SHISAL1: variants seen among roughly 807,000 people sequenced by gnomAD.
SHISAL1 encodes the protein shisa like 1.
In SHISAL1, 9 loss-of-function variants were observed where a neutral mutation model predicts 22.6. The observed-to-expected ratio is 0.40, with a 90% CI of 0.24 to 0.70. The LOEUF is 0.70. Ranked by LOEUF, SHISAL1 falls within the 30% of genes least tolerant of loss-of-function variation. The probability of loss-of-function intolerance (pLI) is 0.39; values close to 1 mark genes in which losing one functional copy is unlikely to be tolerated. For synonymous variants in SHISAL1, 119 were observed against 115.4 expected, an observed-to-expected ratio of 1.03 and a Z score of -0.20; for missense variants, 246 against 270.6, an observed-to-expected ratio of 0.91 and a Z score of 0.64.
chr22:44,306,661 G>A (rs750837528), intron 1 of SHISAL1, among the ~76,000 whole-genome samples: 4 of 106,836 alleles, frequency 3.7e-5, no homozygotes, highest in African/African-American at 6.2e-5. Flanking sequence ...CCTGGGCTCG[G>A]GGAGCTGTGA....
chr22:44,307,939 A>AC, intron 1 of SHISAL1, among the ~76,000 whole-genome samples: 1 of 151,542 alleles, frequency 6.6e-6, no homozygotes, highest in East Asian at 1.9e-4. Flanking sequence ...ATGCCTGGAG[A>AC]CCCCCTACAG....
At position 44,266,528 on chromosome 22, in the gene SHISAL1, A is replaced by ATGTGTGTGTGTGTGTGTGTGTGTGTG. The variant is rs11473448; in HGVS notation, c.*-16869_*-16844dup. 1.3e-3 allele frequency among the ~76,000 whole-genome samples: 136 copies of ATGTGTGTGTGTGTGTGTGTGTGTGTG among 108,400 alleles called. 3 individuals are homozygous for ATGTGTGTGTGTGTGTGTGTGTGTGTG. The highest frequency in any genetic ancestry group is 1.4e-3 in the Non-Finnish European group (82 of 56,770). The allele number at this position is 108,400 out of a possible 152,430, so 71.1% of individuals were successfully genotyped here. A position where few individuals can be genotyped will look rare whatever the true frequency, so the allele number is the denominator to read the frequency against. On this transcript the variant is annotated intron_variant, in intron 4 of 4. Transcript: ENST00000381176. ...ATGTGTGTGTTGGGGGCTTTGGGGT[A>ATGTGTGTGTGTGTGTGTGTGTGTGTG]TGTGTGTGTGTGTGTGTGTGTGTGT...
intron 4 of SHISAL1, among the ~76,000 whole-genome samples, chr22:44,269,297 CCA>C: frequency 7.1e-6 from 1 of 140,498 alleles, no homozygotes; most frequent in Non-Finnish European, 1.5e-5. Context: ...ACACCCCATG[CCA>C]CACACCATAC....
intron 3 of SHISAL1, among the ~76,000 whole-genome samples, chr22:44,293,955 CT>C (rs996597278): frequency 1.3e-5 from 2 of 152,226 alleles, no homozygotes; most frequent in African/African-American, 4.8e-5. Flanking sequence ...GTGTGAAATC[CT>C]GTGCAAATAT....
upstream of SHISAL1, among the ~76,000 whole-genome samples, chr22:44,313,417 C>A (rs548264312): frequency 6.6e-6 from 1 of 152,308 alleles, no homozygotes; most frequent in African/African-American, 2.4e-5. Context: ...ACCCGAGAGC[C>A]CACAGAGGGT....
intron 3 of SHISAL1, among the ~76,000 whole-genome samples, chr22:44,287,397 T>C (rs1204104263): frequency 6.6e-6 from 1 of 152,210 alleles, no homozygotes; most frequent in Non-Finnish European, 1.5e-5. Flanking sequence ...GTTCTTGGCC[T>C]GAAGATGCTG....
At chr22:44,276,279 AGGGAACAGCAGCG>A (rs2055239075) in intron 4 of SHISAL1, among the ~76,000 whole-genome samples, 1 of 152,054 alleles carries the variant, frequency 6.6e-6, no homozygotes, top group Admixed American at 6.6e-5. Flanking sequence ...GTCTGGGTGG[AGGGAACAGCAGCG>A]GGGCTGGTGT....
chr22:44,298,945 G>C (rs1264162995), intron 2 of SHISAL1, among the ~76,000 whole-genome samples: 3 of 152,204 alleles, frequency 2.0e-5, no homozygotes, highest in Non-Finnish European at 4.4e-5. Flanking sequence ...CTGGGAGCCG[G>C]GACAACCGGG....
At chr22:44,288,198 G>A (rs2055329426) in intron 3 of SHISAL1, among the ~76,000 whole-genome samples, 1 of 152,340 alleles carries the variant, frequency 6.6e-6, no homozygotes, top group African/African-American at 2.4e-5. Context: ...CTGAGGCTCG[G>A]TGGAATTAAG....
intron 4 of SHISAL1, among the ~76,000 whole-genome samples, chr22:44,265,364 G>A (rs1385885442): frequency 1.3e-5 from 2 of 152,148 alleles, no homozygotes; most frequent in African/African-American, 2.4e-5. Context: ...CAGCTGTCAT[G>A]CCATGAGCTA....
chr22:44,258,420 A>G (rs1194479042), intron 4 of SHISAL1, among the ~76,000 whole-genome samples: 1 of 152,220 alleles, frequency 6.6e-6, no homozygotes, highest in African/African-American at 2.4e-5. Context: ...TCACCTAGAC[A>G]TGAAGCCTAG....
At chr22:44,258,193 C>G (rs1775094460) in intron 4 of SHISAL1, among the ~76,000 whole-genome samples, 1 of 152,124 alleles carries the variant, frequency 6.6e-6, no homozygotes, top group Admixed American at 6.5e-5. Context: ...GTAGTCCCAG[C>G]TACTTGGGAG....
chr22:44,321,714 A>C, the SHISAL1 span, among the ~76,000 whole-genome samples: 1 of 152,172 alleles, frequency 6.6e-6, no homozygotes, highest in Non-Finnish European at 1.5e-5. Flanking sequence ...AGCAGCAGGC[A>C]GCAGAAACCA....
At chr22:44,292,401 G>C (rs960521833) in intron 3 of SHISAL1, among the ~76,000 whole-genome samples, 1 of 152,172 alleles carries the variant, frequency 6.6e-6, no homozygotes, top group Non-Finnish European at 1.5e-5. Context: ...GCACCAAGGG[G>C]TGGCAGAACC....
At chr22:44,273,250 GGAA>G (rs768745498) in intron 4 of SHISAL1, among the ~76,000 whole-genome samples, 7 of 152,152 alleles carry the variant, frequency 4.6e-5, no homozygotes, top group Middle Eastern at 3.2e-3. Context: ...GTTCCCCAGG[GGAA>G]GAAAACCCTG....
At chr22:44,290,002 C>CA (rs1370034042) in intron 3 of SHISAL1, among the ~76,000 whole-genome samples, 2 of 152,184 alleles carry the variant, frequency 1.3e-5, no homozygotes, top group Non-Finnish European at 2.9e-5. Flanking sequence ...AAGCAGTAAA[C>CA]AAAACCTCTG....
At chr22:44,256,895 A>C in intron 4 of SHISAL1, among the ~76,000 whole-genome samples, 1 of 152,260 alleles carries the variant, frequency 6.6e-6, no homozygotes, top group East Asian at 1.9e-4. Context: ...GGAAGGTAGA[A>C]TCTAAACAGA....
At chr22:44,289,500 T>A (rs1298713766) in intron 3 of SHISAL1, among the ~76,000 whole-genome samples, 2 of 114,252 alleles carry the variant, frequency 1.8e-5, no homozygotes, top group South Asian at 5.6e-4. Flanking sequence ...GTGTGTTTAC[T>A]GCCGGGCTCC....
chr22:44,313,013 G>A (rs118114856), upstream of SHISAL1, among the ~76,000 whole-genome samples: 171 of 152,304 alleles, frequency 1.1e-3, 2 homozygotes, highest in East Asian at 0.027. Flanking sequence ...TCCAGCTCCC[G>A]CCTGGGCCTA....
Sources: allele counts gnomAD v4.1 joint callset (sites outside exome capture counted in the v4.1 genomes callset), GRCh38; gene constraint gnomAD v4.1.1; transcripts MANE v1.5; gene names NCBI Gene and HGNC (gene_info 2026-07-23, HGNC 2026-07-21).